Variants in NAE1 observed in about 807,000 individuals in gnomAD.
The protein encoded by NAE1 is NEDD8 activating enzyme E1 subunit 1.
In NAE1, 59 loss-of-function variants were observed where a neutral mutation model predicts 88.0. The ratio of observed to expected loss-of-function variants is 0.67; its 90% confidence interval spans 0.54 to 0.83. The LOEUF is 0.83. NAE1 is among the 40% of genes least tolerant of loss of function. The pLI, the probability that NAE1 is intolerant of heterozygous loss-of-function variation, is 0.00. For synonymous variants in NAE1, 186 were observed against 208.9 expected, an observed-to-expected ratio of 0.89 and a Z score of 0.95; for missense variants, 554 against 632.8, an observed-to-expected ratio of 0.88 and a Z score of 1.34.
chr16:66,816,361 C>CA (rs1198435411), intron 11 of NAE1, among the ~76,000 whole-genome samples: 2 of 152,098 alleles, frequency 1.3e-5, no homozygotes, highest in African/African-American at 4.8e-5. Context: ...GACGCGGTTT[C>CA]ACTATGTTGG....
Position 66,808,621 on chromosome 16 carries a change from G to T in NAE1, c.1238-8C>A. The T allele has an allele frequency of 6.4e-7, 1 of 1,573,892 alleles. No individual in the cohort carries two copies. The highest frequency in any genetic ancestry group is 8.7e-7 in the Non-Finnish European group (1 of 1,152,372). ...GATTGTCCATGCTAGAAACTGAAAGGAAAAAAAATTTCAGTTTAATTTGGT... is the reference window on the plus strand; with the variant it reads ...GATTGTCCATGCTAGAAACTGAAAGTAAAAAAAATTTCAGTTTAATTTGGT... On this transcript the variant is annotated splice_region_variant and splice_polypyrimidine_tract_variant and intron_variant, in intron 16 of 19. Coordinates refer to ENST00000290810, the MANE Select transcript of NAE1 (RefSeq NM_003905.4).
Position 66,826,687 on chromosome 16 carries a change from C to T in NAE1, c.147G>A (p.Leu49=), listed in dbSNP as rs760101172. Reference sequence around the variant, plus strand: ...ACAAACCTACGTTACCTGGTAGTACCAAGTTTTTAAGAATTTCAGTTCCTG... The same window carrying T: ...ACAAACCTACGTTACCTGGTAGTACTAAGTTTTTAAGAATTTCAGTTCCTG... ...TATGTEILKN[L]VLPGIGSFTI... The change falls in exon 2 of 20, where the codon TTG becomes TTA. Residue 49 remains leucine (L), a synonymous_variant. Transcript: ENST00000290810. 1.4e-5 allele frequency: 23 copies of T among 1,613,882 alleles called. No homozygotes were observed. The African/African-American group carries it at 3.1e-4, about 22-fold the overall frequency.
rs1370782946 is a variant in NAE1 at position 66,830,943 on chromosome 16, G to A, written c.-44C>T. ...GAAAACAGCCGAGCCCCTGCGGAGC[G>A]CCGCCACCAGCTCCACAAGCGCGCA... On this transcript the variant is annotated 5_prime_UTR_variant, in exon 1 of 20. Coordinates refer to ENST00000290810, the MANE Select transcript of NAE1 (RefSeq NM_003905.4). 2.0e-6 allele frequency: 3 copies of A among 1,481,208 alleles called. No homozygotes were observed. Among genetic ancestry groups the A allele is most frequent in the African/African-American group, 2.9e-5 (2 of 68,030 alleles). The allele number at this position is 1,481,208 out of a possible 1,614,324, so 91.8% of individuals were successfully genotyped here.
chr16:66,810,957 A>G (rs1959772934), intron 13 of NAE1, among the ~76,000 whole-genome samples, 185 bp from the exon 14 acceptor site: 1 of 152,154 alleles, frequency 6.6e-6, no homozygotes, highest in South Asian at 2.1e-4. Context: ...TTCCAGTGTT[A>G]GTGACGGACT....
At position 66,805,776 on chromosome 16, in the gene NAE1, C is replaced by T; in HGVS notation, c.1495+1G>A. On this transcript the variant is annotated splice_donor_variant, in intron 19 of 19. Transcript: ENST00000290810. LOFTEE classifies it high-confidence loss of function. ...TGAGTCTTCTCATATATGGAACTCA[C>T]CCCCCAAGAATGCAGCAATGGTATG... 6.7e-7 allele frequency: 1 copy of T among 1,482,126 alleles called. No homozygotes were observed. The highest frequency in any genetic ancestry group is 8.9e-7 in the Non-Finnish European group (1 of 1,120,046). The allele number at this position is 1,482,126 out of a possible 1,614,324, so 91.8% of individuals were successfully genotyped here.
rs1016610404 is a variant in NAE1 at position 66,821,334 on chromosome 16, A to G, written c.511+116T>C. 7.0e-6 allele frequency: 9 copies of G among 1,280,934 alleles called. No individual in the cohort carries two copies. The African/African-American group carries it at 1.4e-4, about 20-fold the overall frequency. 79.3% of individuals were successfully genotyped at this position (1,280,934 alleles called of 1,614,324 possible). On this transcript the variant is annotated intron_variant, in intron 7 of 19. Coordinates refer to ENST00000290810, the MANE Select transcript of NAE1 (RefSeq NM_003905.4). ...TGATTGCCACTTTGAATCTGCAACT[A>G]GAGATGTGCTGCTACAAATTTACTT...
intron 13 of NAE1, among the ~76,000 whole-genome samples, chr16:66,812,798 C>T (rs529042865): frequency 2.7e-4 from 41 of 149,566 alleles, no homozygotes; most frequent in African/African-American, 8.1e-4. Context: ...GGATTACAGG[C>T]GTGAGCCACC....
At chr16:66,826,243 C>T (rs563742825) in intron 3 of NAE1, 2 of 424,064 alleles carry the variant, frequency 4.7e-6, no homozygotes, top group Admixed American at 4.1e-5. Context: ...CGGATCAATA[C>T]AAGAGCTTAG....
intron 7 of NAE1, 57 bp downstream of exon 7, chr16:66,821,393 T>C: frequency 7.0e-7 from 1 of 1,426,826 alleles, no homozygotes; most frequent in Non-Finnish European, 9.2e-7. Context: ...AATTGTCAAG[T>C]TTCTAAAATT....
intron 11 of NAE1, among the ~76,000 whole-genome samples, chr16:66,814,980 C>T (rs1197990497): frequency 6.6e-6 from 1 of 152,232 alleles, no homozygotes; most frequent in African/African-American, 2.4e-5. Context: ...CTCCCTCCAA[C>T]TGAAAAGCTC....
intron 17 of NAE1, among the ~76,000 whole-genome samples, chr16:66,807,421 C>G (rs1483354677): frequency 1.3e-5 from 2 of 152,108 alleles, no homozygotes; most frequent in Non-Finnish European, 2.9e-5. Flanking sequence ...AGGAGGATCA[C>G]TTGAGGTCAG....
intron 4 of NAE1, 110 bp from the exon 5 acceptor site, chr16:66,823,710 A>G (rs780710719): frequency 2.6e-5 from 21 of 799,294 alleles, no homozygotes; most frequent in East Asian, 1.4e-4. Context: ...AATTTCATGC[A>G]TAAGTATGAC....
chr16:66,810,354 A>G lies in NAE1; in HGVS notation c.1150+20T>C, dbSNP rs759443128. The G allele has an allele frequency of 6.4e-7, 1 of 1,572,156 alleles. No homozygotes were observed. Among genetic ancestry groups the G allele is most frequent in the Non-Finnish European group, 8.7e-7 (1 of 1,145,142 alleles). On this transcript the variant is annotated intron_variant, in intron 15 of 19. Transcript: ENST00000290810. ...CATTTCTATCAAGCAAAATAAGGAA[A>G]TTAATTCAAGGGGACTTACAGAGTA...
chr16:66,816,447 T>C, intron 11 of NAE1, 134 bp downstream of exon 11: 5 of 698,826 alleles, frequency 7.2e-6, no homozygotes, highest in Non-Finnish European at 4.7e-6. Flanking sequence ...TGAGCCAGCA[T>C]GCCCGGCCCT....
At chr16:66,810,840 A>T in intron 13 of NAE1, 68 bp from the exon 14 acceptor site, 2 of 1,425,704 alleles carry the variant, frequency 1.4e-6, no homozygotes, top group Non-Finnish European at 9.8e-7. Context: ...GTTACCATGA[A>T]CAAAAATTTT....
chr16:66,817,292 A>G, intron 9 of NAE1, 133 bp downstream of exon 9: 2 of 876,780 alleles, frequency 2.3e-6, no homozygotes, highest in Non-Finnish European at 3.6e-6. Flanking sequence ...ATTTAAATTT[A>G]AAAGCATCCA....
intron 1 of NAE1, among the ~76,000 whole-genome samples, chr16:66,829,216 A>G (rs1482533036): frequency 1.3e-5 from 2 of 151,808 alleles, no homozygotes; most frequent in Admixed American, 1.3e-4. Context: ...CTCAGCAAAA[A>G]CCCTCTTTTG....
At chr16:66,819,513 A>C (rs867674649) in intron 7 of NAE1, among the ~76,000 whole-genome samples, 9 of 152,252 alleles carry the variant, frequency 5.9e-5, no homozygotes, top group Non-Finnish European at 1.2e-4. Flanking sequence ...AGCATCATCT[A>C]TAAAAAGCAG....
At chr16:66,813,507 T>C in intron 13 of NAE1, 57 bp downstream of exon 13, 1 of 1,521,486 alleles carries the variant, frequency 6.6e-7, no homozygotes, top group Non-Finnish European at 8.9e-7. Flanking sequence ...TGATAAAATG[T>C]TTATCTCTAA....
Sources: gnomAD v4.1 joint callset for allele counts (sites outside exome capture counted in the v4.1 genomes callset) on GRCh38, gnomAD v4.1.1 for gene constraint, MANE v1.5 for transcripts, NCBI Gene and HGNC (gene_info 2026-07-23, HGNC 2026-07-21) for gene names.